GTF2F2: variants seen among roughly 807,000 people sequenced by gnomAD.
GTF2F2 encodes general transcription factor IIF subunit 2.
GTF2F2 carries 23 observed loss-of-function variants against 42.2 expected under a neutral mutation model. The observed-to-expected ratio is 0.55, with a 90% confidence interval of 0.39 to 0.77. GTF2F2 has a LOEUF of 0.77. Ranked by LOEUF, GTF2F2 falls within the 30% of genes least tolerant of loss-of-function variation. The pLI is 0.00. For synonymous variants in GTF2F2, 105 were observed against 100.8 expected (o/e 1.04, Z -0.25); for missense variants, 261 against 287.2 (o/e 0.91, Z 0.66).
At position 45,159,733 on chromosome 13, in the gene GTF2F2, C is replaced by A. The variant is rs138303144; in HGVS notation, c.304+7902C>A. Among the ~76,000 whole-genome samples, 793 of 152,304 alleles carry A rather than the reference C, an allele frequency of 5.2e-3. 4 individuals carry two copies. The highest frequency in any genetic ancestry group is 0.018 in the African/African-American group (765 of 41,562). Reference sequence around the variant, plus strand: ...AGGTAATCTGCCCGCCTCAGCCTCCCAAGTTCTGGGATTACAAGCGTTGGC... The same window carrying A: ...AGGTAATCTGCCCGCCTCAGCCTCCAAAGTTCTGGGATTACAAGCGTTGGC... On this transcript the variant is annotated intron_variant, in intron 4 of 7. Coordinates refer to ENST00000340473, the MANE Select transcript of GTF2F2 (RefSeq NM_004128.3).
chr13:45,245,517 T>C (rs1484478701), intron 5 of GTF2F2, among the ~76,000 whole-genome samples: 1 of 151,978 alleles, frequency 6.6e-6, no homozygotes, highest in Non-Finnish European at 1.5e-5. Flanking sequence ...TTGCATAGTT[T>C]AGCTCCCACT....
intron 6 of GTF2F2, among the ~76,000 whole-genome samples, chr13:45,258,751 T>C (rs1455826650): frequency 6.6e-6 from 1 of 152,254 alleles, no homozygotes; most frequent in Non-Finnish European, 1.5e-5. Flanking sequence ...TAAAATTTTT[T>C]ATCTTGTGTA....
chr13:45,277,348 G>C (rs1293092314), intron 7 of GTF2F2, among the ~76,000 whole-genome samples: 2 of 152,170 alleles, frequency 1.3e-5, no homozygotes, highest in African/African-American at 4.8e-5. Context: ...AGTCATGGTG[G>C]AAGCATGTCA....
At chr13:45,278,100 CAG>C (rs1294311084) in intron 7 of GTF2F2, among the ~76,000 whole-genome samples, 7 of 152,070 alleles carry the variant, frequency 4.6e-5, no homozygotes, top group Admixed American at 4.6e-4. Context: ...ATTTGTTTGA[CAG>C]AGCAGGAGAA....
At chr13:45,194,348 C>T (rs781583099) in intron 4 of GTF2F2, 1 of 1,614,138 alleles carries the variant, frequency 6.2e-7, no homozygotes, top group South Asian at 1.1e-5. Context: ...TAATGACCAT[C>T]AGCATCAAAC....
intron 4 of GTF2F2, among the ~76,000 whole-genome samples, chr13:45,167,396 ATTT>A (rs761750778): frequency 5.8e-5 from 6 of 104,266 alleles, no homozygotes; most frequent in African/African-American, 1.1e-4. Context: ...TCACCCAGCT[ATTT>A]TTTTTTTTTT....
At chr13:45,265,544 C>G (rs1195112795) in intron 6 of GTF2F2, among the ~76,000 whole-genome samples, 2 of 152,192 alleles carry the variant, frequency 1.3e-5, no homozygotes, top group Non-Finnish European at 2.9e-5. Flanking sequence ...GTTTTACTCC[C>G]AGTTCGTACA....
chr13:45,164,545 C>G (rs1042644591), intron 4 of GTF2F2, among the ~76,000 whole-genome samples: 3 of 152,088 alleles, frequency 2.0e-5, no homozygotes, highest in African/African-American at 4.8e-5. Flanking sequence ...CCAGCCTGGA[C>G]AAAAGAGTGA....
Position 45,283,539 on chromosome 13 carries a change from AAGG to A in GTF2F2, c.731_733del (p.Gly244del), listed in dbSNP as rs775359842. 3 of 1,611,640 alleles carry A rather than the reference AAGG, an allele frequency of 1.9e-6. No individual in the cohort carries two copies. The highest frequency in any genetic ancestry group is 2.7e-5 in the African/African-American group (2 of 74,958). On this transcript the variant is annotated inframe_deletion, in exon 8 of 8. Transcript: ENST00000340473. ...CTGAAGCCAGAGTACAGACACTATCAAGGAGAAGAAAAGAGTGACTAAGAAGAC... is the reference window on the plus strand; with the variant it reads ...CTGAAGCCAGAGTACAGACACTATCAAGAAGAAAAGAGTGACTAAGAAGAC...
At chr13:45,127,877 C>T (rs757480345) in intron 1 of GTF2F2, among the ~76,000 whole-genome samples, 10 of 144,424 alleles carry the variant, frequency 6.9e-5, no homozygotes, top group African/African-American at 2.1e-4. Context: ...GTGATCTGCC[C>T]GCCTCAGCCT....
chr13:45,252,855 T>G lies in GTF2F2; in HGVS notation c.387-16T>G. 9.1e-7 allele frequency: 1 copy of G among 1,096,798 alleles called. No individual in the cohort carries two copies. Among genetic ancestry groups the G allele is most frequent in the South Asian group, 1.5e-5 (1 of 66,580 alleles). The allele number at this position is 1,096,798 out of a possible 1,614,324, so 67.9% of individuals were successfully genotyped here. On this transcript the variant is annotated splice_polypyrimidine_tract_variant and intron_variant, in intron 5 of 7. Transcript: ENST00000340473. ...GCTAAACAAGAGTGTTAATAATGCC[T>G]TATATTTTTTTTCAGATTGCAAATA... is the stretch of plus-strand genomic sequence containing the variant.
rs1157972776 is a variant in GTF2F2, at chr13:45,278,816, C to CTTTTTTTTTT, written c.631-4610_631-4601dup. ...CCTGCCAATTTGCCTTTTTCTTTTT[C>CTTTTTTTTTT]TTTTTTTTTTTTTTTTTTTTTTTTT... On this transcript the variant is annotated intron_variant, in intron 7 of 7. Coordinates refer to ENST00000340473, the MANE Select transcript of GTF2F2 (RefSeq NM_004128.3). 5.0e-4 allele frequency among the ~76,000 whole-genome samples: 31 copies of CTTTTTTTTTT among 62,300 alleles called. 1 individual carries two copies. Among genetic ancestry groups the CTTTTTTTTTT allele is most frequent in the African/African-American group, 1.1e-3 (16 of 14,378 alleles). The allele number at this position is 62,300 out of a possible 152,430, so 40.9% of individuals were successfully genotyped here.
At chr13:45,246,385 C>A (rs1566149812) in intron 5 of GTF2F2, among the ~76,000 whole-genome samples, 1 of 152,076 alleles carries the variant, frequency 6.6e-6, no homozygotes, top group Non-Finnish European at 1.5e-5. Context: ...CCCAGTTATT[C>A]TTGATGCCTT....
chr13:45,186,519 C>T (rs1327884639), intron 4 of GTF2F2, among the ~76,000 whole-genome samples: 1 of 151,522 alleles, frequency 6.6e-6, no homozygotes, highest in Non-Finnish European at 1.5e-5. Context: ...TCTCGAACTC[C>T]TGACCTGGTG....
intron 5 of GTF2F2, among the ~76,000 whole-genome samples, chr13:45,236,175 T>C (rs1162348522): frequency 1.3e-5 from 2 of 152,160 alleles, no homozygotes; most frequent in African/African-American, 4.8e-5. Context: ...TCTGGCCCAC[T>C]GTCTATGGCC....
intron 4 of GTF2F2, among the ~76,000 whole-genome samples, chr13:45,154,846 A>G (rs1870674695): frequency 6.6e-6 from 1 of 152,336 alleles, no homozygotes; most frequent in Non-Finnish European, 1.5e-5. Flanking sequence ...ATCTGGATGT[A>G]TATCACTTGG....
intron 1 of GTF2F2, among the ~76,000 whole-genome samples, chr13:45,125,624 C>G (rs1398054701): frequency 6.6e-6 from 1 of 152,090 alleles, no homozygotes; most frequent in African/African-American, 2.4e-5. Context: ...GCCCAGCCCC[C>G]TTTGTGTCTC....
At chr13:45,172,745 A>C (rs1593469961) in intron 4 of GTF2F2, among the ~76,000 whole-genome samples, 2 of 152,150 alleles carry the variant, frequency 1.3e-5, no homozygotes, top group East Asian at 3.8e-4. Context: ...ACCTTTGTTG[A>C]AAATTAGTTG....
chr13:45,178,511 A>G (rs989894048), intron 4 of GTF2F2, among the ~76,000 whole-genome samples: 5 of 146,574 alleles, frequency 3.4e-5, no homozygotes, highest in Non-Finnish European at 7.5e-5. Context: ...GAGTCCCTTT[A>G]TGTTGATGCT....
Sources: gnomAD v4.1 joint callset for allele counts (sites outside exome capture counted in the v4.1 genomes callset) on GRCh38, gnomAD v4.1.1 for gene constraint, MANE v1.5 for transcripts, NCBI Gene and HGNC (gene_info 2026-07-23, HGNC 2026-07-21) for gene names.